The following ZPLD1 variants were observed in gnomAD, a reference collection of about 807,000 sequenced individuals.
ZPLD1 encodes the protein zona pellucida like domain containing 1, also known as zona pellucida-like domain-containing protein 1.
Under a neutral mutation model 47.2 loss-of-function variants are expected in ZPLD1, and 34 were observed. That is an observed-to-expected ratio of 0.72 (90% CI 0.55 to 0.96). The LOEUF (loss-of-function observed/expected upper bound fraction) is 0.96, where lower values mean the gene tolerates loss of function less well. ZPLD1 is among the 40% of genes least tolerant of loss of function. The probability of loss-of-function intolerance (pLI) is 0.00; values close to 1 mark genes in which losing one functional copy is unlikely to be tolerated. For synonymous variants in ZPLD1, 176 were observed against 186.2 expected (o/e 0.95, Z 0.45); for missense variants, 512 against 505.8 (o/e 1.01, Z -0.12).
chr3:102,421,075 C>T (rs1706872317), intron 8 of ZPLD1, among the ~76,000 whole-genome samples: 1 of 151,874 alleles, frequency 6.6e-6, no homozygotes, highest in African/African-American at 2.4e-5. Context: ...CTTTCACTAA[C>T]ATTGTAAGTT....
At chr3:102,456,551 ATCTATC>A (rs1707418668) in intron 5 of ZPLD1, among the ~76,000 whole-genome samples, 177 bp downstream of exon 5, 2 of 97,762 alleles carry the variant, frequency 2.0e-5, no homozygotes, top group Non-Finnish European at 4.7e-5. Context: ...TATTATATCT[ATCTATC>A]TATCTATCTA....
intron 7 of ZPLD1, among the ~76,000 whole-genome samples, chr3:102,412,383 C>T (rs1706755508): frequency 6.6e-6 from 1 of 151,520 alleles, no homozygotes; most frequent in African/African-American, 2.4e-5. Flanking sequence ...TCACTAACTC[C>T]CACCTAGAGG....
At chr3:102,399,991 G>T (rs554164058) in intron 7 of ZPLD1, among the ~76,000 whole-genome samples, 92 of 151,904 alleles carry the variant, frequency 6.1e-4, no homozygotes, top group Admixed American at 1.1e-3. Context: ...GCTAATTTTT[G>T]TATTTTTAGT....
rs971248584 is a variant in ZPLD1, at chr3:102,474,419, C to T, written c.1043-2593C>T. ...CTTGTTTGTCCCTTCTTGGGACTGG[C>T]ACTCGTCTAGGAACTGGGAGTATAG... On this transcript the variant is annotated intron_variant, in intron 10 of 11. Transcript: ENST00000466937. Among the ~76,000 whole-genome samples, 12 of 152,220 alleles carry T rather than the reference C, an allele frequency of 7.9e-5. No homozygotes were observed. The South Asian group carries it at 2.5e-3, about 32-fold the overall frequency.
chr3:102,458,300 C>T (rs1170926288), intron 6 of ZPLD1, among the ~76,000 whole-genome samples: 3 of 152,202 alleles, frequency 2.0e-5, no homozygotes, highest in African/African-American at 7.2e-5. Context: ...TGGGTTTTGG[C>T]TGATGACAAT....
intron 7 of ZPLD1, among the ~76,000 whole-genome samples, chr3:102,414,557 C>T (rs1320060766): frequency 6.6e-6 from 1 of 151,638 alleles, no homozygotes; most frequent in Non-Finnish European, 1.5e-5. Context: ...TAAGGAAATG[C>T]CTTACAAATC....
intron 7 of ZPLD1, among the ~76,000 whole-genome samples, chr3:102,399,896 G>A (rs1427551583): frequency 1.3e-5 from 2 of 151,796 alleles, no homozygotes; most frequent in African/African-American, 4.8e-5. Context: ...TCGGTTCACT[G>A]CAACCTTTAC....
At chr3:102,475,117 T>G (rs1319932957) in intron 10 of ZPLD1, among the ~76,000 whole-genome samples, 1 of 151,968 alleles carries the variant, frequency 6.6e-6, no homozygotes, top group Non-Finnish European at 1.5e-5. Flanking sequence ...ATATCACAGG[T>G]TTCGATTTCA....
intron 6 of ZPLD1, among the ~76,000 whole-genome samples, chr3:102,459,738 A>G (rs1377125409): frequency 1.3e-5 from 2 of 152,296 alleles, no homozygotes; most frequent in Middle Eastern, 3.4e-3. Flanking sequence ...TAGAAAGTAC[A>G]GAGTTCCCAC....
intron 7 of ZPLD1, among the ~76,000 whole-genome samples, chr3:102,402,203 G>A (rs1706629265): frequency 6.6e-6 from 1 of 151,888 alleles, no homozygotes; most frequent in Non-Finnish European, 1.5e-5. Flanking sequence ...TTTAGTTTAA[G>A]TATTTTACTG....
intron 10 of ZPLD1, among the ~76,000 whole-genome samples, chr3:102,475,146 T>C (rs1194470121): frequency 6.6e-6 from 1 of 152,072 alleles, no homozygotes. Context: ...CCAAAGGTAG[T>C]ATGCTTTCAT....
At position 102,462,337 on chromosome 3, in the gene ZPLD1, C is replaced by G. The variant is rs148150314; in HGVS notation, c.639C>G (p.Thr213=). 1.2e-6 allele frequency: 2 copies of G among 1,605,580 alleles called. No homozygotes were observed. Among genetic ancestry groups the G allele is most frequent in the Non-Finnish European group, 1.7e-6 (2 of 1,174,488 alleles). The change falls in exon 7 of 12, where the codon ACC becomes ACG. Residue 213 remains threonine (T), a synonymous_variant. Coordinates refer to ENST00000466937, the MANE Select transcript of ZPLD1 (RefSeq NM_001329788.2). ...IIPSIGLPLK[T]KVFAAVQATN... ...CCAGTATAGGATTACCTTTGAAAAC[C>G]AAAGTATTTGCAGCTGTCCAAGCCA...
intron 8 of ZPLD1, among the ~76,000 whole-genome samples, chr3:102,466,719 C>A (rs912971984): frequency 1.3e-5 from 2 of 150,900 alleles, no homozygotes; most frequent in African/African-American, 4.9e-5. Flanking sequence ...CAGATCACAG[C>A]AGAAACAGTG....
intron 7 of ZPLD1, chr3:102,418,022 G>C (rs1339292434): frequency 3.3e-5 from 5 of 152,196 alleles, no homozygotes; most frequent in African/African-American, 2.4e-5. Flanking sequence ...GCATTTGCTT[G>C]TCTAAAATTC....
intron 1 of ZPLD1, 32 bp downstream of exon 1, chr3:102,435,186 A>C: frequency 6.2e-7 from 1 of 1,612,328 alleles, no homozygotes; most frequent in Non-Finnish European, 8.5e-7. Flanking sequence ...TTGCAAGATA[A>C]TAGTTCATCA....
At chr3:102,468,635 A>G (rs1381653543) in intron 8 of ZPLD1, among the ~76,000 whole-genome samples, 1 of 152,234 alleles carries the variant, frequency 6.6e-6, no homozygotes, top group East Asian at 1.9e-4. Context: ...GTGAAAATAA[A>G]TGAAAATAAA....
chr3:102,448,414 T>C (rs192040578), intron 3 of ZPLD1, among the ~76,000 whole-genome samples: 22 of 152,320 alleles, frequency 1.4e-4, no homozygotes, highest in African/African-American at 5.3e-4. Flanking sequence ...AAACTCTCTC[T>C]CCTTTTGGCA....
chr3:102,415,193 G>C (rs919206041), intron 7 of ZPLD1, among the ~76,000 whole-genome samples: 1 of 151,650 alleles, frequency 6.6e-6, no homozygotes, highest in Admixed American at 6.6e-5. Flanking sequence ...AGAGTATCTC[G>C]ACTACAACTC....
At chr3:102,438,172 G>C (rs375717796) in intron 2 of ZPLD1, among the ~76,000 whole-genome samples, 1 of 152,068 alleles carries the variant, frequency 6.6e-6, no homozygotes, top group Non-Finnish European at 1.5e-5. Flanking sequence ...CTTGGTTTGC[G>C]TTCTTCCTAT....
Sources: allele counts gnomAD v4.1 joint callset (sites outside exome capture counted in the v4.1 genomes callset), GRCh38; gene constraint gnomAD v4.1.1; transcripts MANE v1.5; gene names NCBI Gene and HGNC (gene_info 2026-07-23, HGNC 2026-07-21).